Variants in ZCCHC7 observed in about 807,000 individuals in gnomAD.
ZCCHC7 encodes the protein zinc finger CCHC-type containing 7.
A neutral mutation model predicts 52.0 loss-of-function variants in ZCCHC7; 35 were observed. That is an observed-to-expected ratio of 0.67 (90% CI 0.51 to 0.89). ZCCHC7 has a LOEUF of 0.89. Ranked by LOEUF, ZCCHC7 falls within the 40% of genes least tolerant of loss-of-function variation. ZCCHC7 has a pLI of 0.00. For synonymous variants in ZCCHC7, 217 were observed against 221.5 expected (o/e 0.98, Z 0.18); for missense variants, 574 against 649.1 (o/e 0.88, Z 1.26).
At chr9:37,344,084 A>G (rs754165854) in intron 6 of ZCCHC7, among the ~76,000 whole-genome samples, 1 of 152,220 alleles carries the variant, frequency 6.6e-6, no homozygotes, top group Non-Finnish European at 1.5e-5. Flanking sequence ...AGGCCAAGTC[A>G]GGAGGATTGC....
chr9:37,325,615 G>T (rs182504557), intron 5 of ZCCHC7, among the ~76,000 whole-genome samples: 1 of 152,032 alleles, frequency 6.6e-6, no homozygotes, highest in Non-Finnish European at 1.5e-5. Flanking sequence ...AAAAATTAGG[G>T]TTTTAAAAAT....
At chr9:37,163,056 C>T (rs1821193288) in intron 2 of ZCCHC7, among the ~76,000 whole-genome samples, 1 of 152,016 alleles carries the variant, frequency 6.6e-6, no homozygotes, top group Non-Finnish European at 1.5e-5. Context: ...CAAAAATTAG[C>T]CAGGCATGGT....
intron 2 of ZCCHC7, among the ~76,000 whole-genome samples, chr9:37,191,755 T>C (rs1296519478): frequency 3.3e-5 from 5 of 152,228 alleles, no homozygotes; most frequent in African/African-American, 9.6e-5. Context: ...TTTTACAGTT[T>C]ATTTTCATTT....
intron 2 of ZCCHC7, among the ~76,000 whole-genome samples, chr9:37,221,452 A>G (rs1184098070): frequency 6.6e-6 from 1 of 152,210 alleles, no homozygotes; most frequent in African/African-American, 2.4e-5. Context: ...AGAACACTGG[A>G]AATAGAGAAA....
At chr9:37,266,671 T>G (rs1043272083) in intron 2 of ZCCHC7, among the ~76,000 whole-genome samples, 1 of 152,086 alleles carries the variant, frequency 6.6e-6, no homozygotes, top group Non-Finnish European at 1.5e-5. Flanking sequence ...CCCAGGAGTT[T>G]GAGACCAGCC....
rs529632779 is a variant in ZCCHC7 at position 37,268,219 on chromosome 9, G to A, written c.611-33969G>A. The stretch of plus-strand genomic sequence containing the variant: ...GTGTGAATTTTTTGTGAAAGCTCTT[G>A]GTATCTCTAATGTGCTCTCAAAACC... On this transcript the variant is annotated intron_variant, in intron 2 of 8. Transcript: ENST00000336755. Among the ~76,000 whole-genome samples the A allele has an allele frequency of 2.0e-5, 3 of 152,064 alleles. No individual in the cohort carries two copies. The South Asian group carries it at 6.2e-4, about 32-fold the overall frequency.
rs552322325 is a variant in ZCCHC7 at position 37,271,082 on chromosome 9, A to G, written c.611-31106A>G. The stretch of plus-strand genomic sequence containing the variant: ...ACATTTTGCAACTCCTAATGAAATA[A>G]TGGATTTAAAGAATTATCGATGGCT... On this transcript the variant is annotated intron_variant, in intron 2 of 8. Coordinates refer to ENST00000336755, the MANE Select transcript of ZCCHC7 (RefSeq NM_032226.3). Among the ~76,000 whole-genome samples the G allele has an allele frequency of 8.5e-5, 13 of 152,344 alleles. No individual in the cohort carries two copies. In the South Asian group the frequency reaches 2.7e-3, roughly 32 times the overall value.
rs530069340 is a variant in ZCCHC7, at chr9:37,330,298, GAAAAAT to G, written c.987+2469_987+2474del. On this transcript the variant is annotated intron_variant, in intron 6 of 8. Transcript: ENST00000336755. ...TGTTCACTATTTTCAACAATTTCAA[GAAAAAT>G]AAAATGAAATATCTTCAACAACCTG... Among the ~76,000 whole-genome samples, 5 of 151,620 alleles carry G rather than the reference GAAAAAT, an allele frequency of 3.3e-5. No individual in the cohort carries two copies. In the East Asian group the frequency reaches 7.7e-4, roughly 23 times the overall value.
At chr9:37,163,656 TC>T (rs1821242812) in intron 2 of ZCCHC7, among the ~76,000 whole-genome samples, 1 of 152,206 alleles carries the variant, frequency 6.6e-6, no homozygotes, top group South Asian at 2.1e-4. Flanking sequence ...CTTAATAGTG[TC>T]TTTTGAAGAG....
In ZCCHC7 at chr9:37,146,069, C is replaced by T. The variant is rs137905305; in HGVS notation, c.610+19127C>T. Among the ~76,000 whole-genome samples the T allele has an allele frequency of 1.1e-4, 17 of 151,852 alleles. No homozygotes were observed. The South Asian group carries it at 3.3e-3, about 30-fold the overall frequency. ...TGATAAATACTAATTTAAGCAAGTG[C>T]GATTACTATTTTAACTCATTCTTCG... is the stretch of plus-strand genomic sequence containing the variant. On this transcript the variant is annotated intron_variant, in intron 2 of 8. Transcript: ENST00000336755.
intron 2 of ZCCHC7, among the ~76,000 whole-genome samples, chr9:37,282,148 T>G (rs1235434487): frequency 1.3e-5 from 2 of 152,160 alleles, no homozygotes; most frequent in Non-Finnish European, 2.9e-5. Flanking sequence ...CTATCAAAAA[T>G]AAAATATTAA....
chr9:37,262,924 A>T (rs1163402137), intron 2 of ZCCHC7, among the ~76,000 whole-genome samples: 1 of 152,182 alleles, frequency 6.6e-6, no homozygotes, highest in Non-Finnish European at 1.5e-5. Context: ...GATGTTTCTT[A>T]GTTTGTCTAT....
At chr9:37,265,390 A>G (rs1361398995) in intron 2 of ZCCHC7, among the ~76,000 whole-genome samples, 1 of 152,192 alleles carries the variant, frequency 6.6e-6, no homozygotes, top group African/African-American at 2.4e-5. Flanking sequence ...AATTGGAGAC[A>G]CTGTCAGAGA....
At chr9:37,191,177 G>A (rs1251327476) in intron 2 of ZCCHC7, among the ~76,000 whole-genome samples, 1 of 152,104 alleles carries the variant, frequency 6.6e-6, no homozygotes, top group Non-Finnish European at 1.5e-5. Context: ...CAGAGAAGCA[G>A]GATAATTAAA....
chr9:37,165,217 TTTC>T (rs979388454), intron 2 of ZCCHC7, among the ~76,000 whole-genome samples: 1 of 152,212 alleles, frequency 6.6e-6, no homozygotes, highest in Non-Finnish European at 1.5e-5. Flanking sequence ...TAGAATTTTT[TTTC>T]TTTTTTGGTA....
chr9:37,252,558 C>T (rs187497540), intron 2 of ZCCHC7, among the ~76,000 whole-genome samples: 16 of 152,294 alleles, frequency 1.1e-4, no homozygotes, highest in African/African-American at 3.9e-4. Flanking sequence ...ACACAGTAGT[C>T]TCCTGCCGTC....
intron 2 of ZCCHC7, among the ~76,000 whole-genome samples, chr9:37,163,492 C>T (rs566515749): frequency 6.6e-6 from 1 of 152,214 alleles, no homozygotes; most frequent in South Asian, 2.1e-4. Context: ...TCAGTTCCTC[C>T]AAATCCTTGC....
chr9:37,353,224 A>G (rs781753188), intron 7 of ZCCHC7, among the ~76,000 whole-genome samples: 1 of 152,212 alleles, frequency 6.6e-6, no homozygotes, highest in Non-Finnish European at 1.5e-5. Context: ...AACCAGACTG[A>G]CTCAAGAAGA....
chr9:37,220,793 G>A (rs2133259446), intron 2 of ZCCHC7, among the ~76,000 whole-genome samples: 1 of 152,248 alleles, frequency 6.6e-6, no homozygotes, highest in African/African-American at 2.4e-5. Context: ...ATAAAACATT[G>A]TTTTATATGA....
Sources: allele counts gnomAD v4.1 joint callset (sites outside exome capture counted in the v4.1 genomes callset), GRCh38; gene constraint gnomAD v4.1.1; transcripts MANE v1.5; gene names NCBI Gene and HGNC (gene_info 2026-07-23, HGNC 2026-07-21).